Variants in PLCD3 observed in about 807,000 individuals in gnomAD.
The protein encoded by PLCD3 is 1-phosphatidylinositol 4,5-bisphosphate phosphodiesterase delta-3.
Under a neutral mutation model 82.8 loss-of-function variants are expected in PLCD3, and 62 were observed. The ratio of observed to expected loss-of-function variants is 0.75; its 90% CI spans 0.61 to 0.93. The LOEUF (loss-of-function observed/expected upper bound fraction) is 0.93, where lower values mean the gene tolerates loss of function less well. Ranked by LOEUF, PLCD3 falls within the 40% of genes least tolerant of loss-of-function variation. The probability of loss-of-function intolerance (pLI) is 0.00; values close to 1 mark genes in which losing one functional copy is unlikely to be tolerated. For missense variants in PLCD3, 1,023 were observed against 1,103.4 expected (o/e 0.93, Z 1.03); for synonymous variants, 478 against 471.8 (o/e 1.01, Z -0.17).
chr17:45,112,799 A>G, intron 14 of PLCD3, 64 bp downstream of exon 14: 1 of 1,600,836 alleles, frequency 6.2e-7, no homozygotes. Context: ...CGAGGCACAA[A>G]GGTGAACAGG....
Position 45,113,223 on chromosome 17 carries a change from G to A in PLCD3, c.2030C>T (p.Ala677Val). The change falls in exon 13 of 15, where the codon GCC (alanine) becomes GTC (valine). Residue 677 changes from alanine to valine, a missense_variant. By Grantham distance (64) the Ala-to-Val change is moderately conservative. This residue lies in a region of PLCD3 where 553 missense variants were observed against 655.7 expected (regional missense o/e 0.84). Transcript: ENST00000619929. ...GTCCACAATGGAGTGTGGCTTCTCG[G>A]CATTCAGCTTGGGCAGCTGCTGTGC... ...LTAQQLPKLNAEKPHSIVDPL... is the reference protein window; with the variant it reads ...LTAQQLPKLNVEKPHSIVDPL... 6.2e-7 allele frequency: 1 copy of A among 1,609,562 alleles called. No individual in the cohort carries two copies. The highest frequency in any genetic ancestry group is 8.5e-7 in the Non-Finnish European group (1 of 1,178,128).
rs1035518083 is a variant in PLCD3, at chr17:45,112,860, A to C, written c.2281+3T>G. 1.2e-6 allele frequency: 2 copies of C among 1,612,246 alleles called. No individual in the cohort carries two copies. The highest frequency in any genetic ancestry group is 3.3e-5 in the Admixed American group (2 of 59,746). ...CTCTCCATCCCCACCAGCCTCCACCAACCTTGCTTTAGGCTGCTAAGAGGC... is the reference window on the plus strand; with the variant it reads ...CTCTCCATCCCCACCAGCCTCCACCCACCTTGCTTTAGGCTGCTAAGAGGC... On this transcript the variant is annotated splice_donor_region_variant and intron_variant, in intron 14 of 14. Transcript: ENST00000619929.
rs369011780 is a variant in PLCD3 at position 45,119,041 on chromosome 17, C to G, written c.687G>C (p.Glu229Asp). ...NDMYAYLLFK[E>D]CDHSNNDRLE... is the part of the protein sequence containing the mutation. The stretch of plus-strand genomic sequence containing the variant: ...GACGGTCGTTGTTGGAGTGGTCACA[C>G]TCCTGGGGAGCAGCAGGAGAAGCTC... Residue 229 changes from glutamate to aspartate, a missense_variant and splice_region_variant, in exon 5 of 15, where the codon GAG (glutamate) becomes GAC (aspartate). By Grantham distance (45) the Glu-to-Asp change is conservative. Coordinates refer to ENST00000619929, the MANE Select transcript of PLCD3 (RefSeq NM_133373.5). The G allele has an allele frequency of 1.1e-5, 18 of 1,601,672 alleles. No homozygotes were observed. Among genetic ancestry groups the G allele is most frequent in the Non-Finnish European group, 1.4e-5 (16 of 1,173,212 alleles).
At chr17:45,116,874 A>G in intron 7 of PLCD3, 90 bp from the exon 8 acceptor site, 1 of 1,426,632 alleles carries the variant, frequency 7.0e-7, no homozygotes, top group South Asian at 1.5e-5. Context: ...CAGGACAGGC[A>G]GGCAAAGGCA....
Position 45,120,993 on chromosome 17 carries a change from G to T in PLCD3, c.463C>A (p.Pro155Thr). 1 of 1,533,724 alleles carries T rather than the reference G, an allele frequency of 6.5e-7. No individual in the cohort carries two copies. Among genetic ancestry groups the T allele is most frequent in the African/African-American group, 1.4e-5 (1 of 72,088 alleles). Reference sequence around the variant, plus strand: ...CAGCGCTGCGCTTCCTCAGCCGTGGGCGCCGCCAGGTCCAGGTTCTTGCGG... The same window carrying T: ...CAGCGCTGCGCTTCCTCAGCCGTGGTCGCCGCCAGGTCCAGGTTCTTGCGG... ...GRRKNLDLAA[P>T]TAEEAQRWVR... The change falls in exon 3 of 15, where the codon CCC becomes ACC. Residue 155 changes from proline (P) to threonine (T), a missense_variant. This residue lies in a region of PLCD3 where 448 missense variants were observed against 406.3 expected (regional missense o/e 1.10). Transcript: ENST00000619929.
chr17:45,117,929 T>A (rs1201777027), intron 7 of PLCD3, 65 bp downstream of exon 7: 3 of 1,582,972 alleles, frequency 1.9e-6, no homozygotes, highest in Non-Finnish European at 2.6e-6. Flanking sequence ...GCAGCTGGCA[T>A]GTGAGTGCGG....
Position 45,113,003 on chromosome 17 carries a change from G to A in PLCD3, c.2141C>T (p.Pro714Leu). The A allele has an allele frequency of 6.2e-7, 1 of 1,606,010 alleles. No homozygotes were observed. Among genetic ancestry groups the A allele is most frequent in the East Asian group, 2.2e-5 (1 of 44,804 alleles). Residue 714 changes from proline to leucine, a missense_variant, in exon 14 of 15, where the codon CCC becomes CTC. Physicochemically the swap from Pro to Leu is moderately conservative, Grantham distance 98. Around this residue, in one of 3 missense-constraint regions of PLCD3, gnomAD observed 553 missense variants for 655.7 expected, o/e 0.84. Coordinates refer to ENST00000619929, the MANE Select transcript of PLCD3 (RefSeq NM_133373.5). ...TDYVLNNGFN[P>L]RWGQTLQFQL... ...GAACTGCAGGGTCTGCCCCCAGCGG[G>A]GGTTGAAGCCTAGGGCACAGGGATG... is the stretch of plus-strand genomic sequence containing the variant.
chr17:45,119,195 G>T, intron 4 of PLCD3, 152 bp from the exon 5 acceptor site: 1 of 637,956 alleles, frequency 1.6e-6, no homozygotes, highest in Non-Finnish European at 2.7e-6. Flanking sequence ...AGCTCACACA[G>T]CTGGTAAATT....
intron 10 of PLCD3, 41 bp downstream of exon 10, chr17:45,115,053 T>C: frequency 1.3e-6 from 2 of 1,563,008 alleles, no homozygotes; most frequent in Non-Finnish European, 1.7e-6. Flanking sequence ...AGGAGGTCTC[T>C]CACCCTCTCG....
intron 8 of PLCD3, among the ~76,000 whole-genome samples, chr17:45,116,156 A>G (rs911659620): frequency 3.9e-5 from 6 of 152,202 alleles, no homozygotes; most frequent in Non-Finnish European, 8.8e-5. Flanking sequence ...AGAGCCGAGG[A>G]CGCGCTCTGG....
rs979232414 is a variant in PLCD3 at position 45,109,024 on chromosome 17, T to C, written c.*3592A>G. 2 of 152,654 alleles carry C rather than the reference T, an allele frequency of 1.3e-5. No homozygotes were observed. Among genetic ancestry groups the C allele is most frequent in the African/African-American group, 4.8e-5 (2 of 41,446 alleles). The allele number at this position is 152,654 out of a possible 1,614,324, so 9.5% of individuals were successfully genotyped here. On this transcript the variant is annotated 3_prime_UTR_variant, in exon 15 of 15. Coordinates refer to ENST00000619929, the MANE Select transcript of PLCD3 (RefSeq NM_133373.5). ...GAAAGCAGCTGAACAAAACCTTCTGTCCTGGTATTCCTGGTCAGCAGGTGG... is the reference window on the plus strand; with the variant it reads ...GAAAGCAGCTGAACAAAACCTTCTGCCCTGGTATTCCTGGTCAGCAGGTGG...
At position 45,113,622 on chromosome 17, in the gene PLCD3, G is replaced by A. The variant is rs1236420832; in HGVS notation, c.1829-17C>T. The A allele has an allele frequency of 1.3e-6, 2 of 1,553,014 alleles. No homozygotes were observed. Reference sequence around the variant, plus strand: ...TCAAGGCCACTGTGGACACAGCAGGGTCAGAGCAGGGGCTCTTAGCGGCCC... The same window carrying A: ...TCAAGGCCACTGTGGACACAGCAGGATCAGAGCAGGGGCTCTTAGCGGCCC... On this transcript the variant is annotated splice_polypyrimidine_tract_variant and intron_variant, in intron 11 of 14. Coordinates refer to ENST00000619929, the MANE Select transcript of PLCD3 (RefSeq NM_133373.5).
chr17:45,117,274 G>A (rs890261202), intron 7 of PLCD3, among the ~76,000 whole-genome samples: 1 of 151,870 alleles, frequency 6.6e-6, no homozygotes, highest in Non-Finnish European at 1.5e-5. Flanking sequence ...CTATGCTTTG[G>A]TCTCTCTCCA....
rs1183978434 is a variant in PLCD3, at chr17:45,110,447, G to GAAAGAA, written c.*2168_*2169insTTCTTT. The GAAAGAA allele has an allele frequency of 0.15, 21,960 of 146,910 alleles. 1,664 individuals are homozygous for GAAAGAA. Among genetic ancestry groups the GAAAGAA allele is most frequent in the Middle Eastern group, 0.21 (58 of 280 alleles). The allele number at this position is 146,910 out of a possible 1,614,324, so 9.1% of individuals were successfully genotyped here. A position where few individuals can be genotyped will look rare whatever the true frequency, so the allele number is the denominator to read the frequency against. On this transcript the variant is annotated 3_prime_UTR_variant, in exon 15 of 15. Coordinates refer to ENST00000619929, the MANE Select transcript of PLCD3 (RefSeq NM_133373.5). Reference sequence around the variant, plus strand: ...GGACGAGCAAGACTTTGTCTCAAAAGAAAAAAAAAAAAGACTCTTGCCCTT... The same window carrying GAAAGAA: ...GGACGAGCAAGACTTTGTCTCAAAAGAAAGAAAAAAAAAAAAAAGACTCTTGCCCTT...
Position 45,121,962 on chromosome 17 carries a change from A to C in PLCD3, c.164-590T>G, listed in dbSNP as rs115787134. 8.3e-3 allele frequency among the ~76,000 whole-genome samples: 1,258 copies of C among 151,542 alleles called. 13 individuals carry two copies. The highest frequency in any genetic ancestry group is 0.028 in the African/African-American group (1,173 of 41,270). On this transcript the variant is annotated intron_variant, in intron 1 of 14. Transcript: ENST00000619929. Reference sequence around the variant, plus strand: ...ACAGAGTGAGACTGCGTCTTAACAAAAAAAAAAAAAAATTGCCTTTTCTGC... The same window carrying C: ...ACAGAGTGAGACTGCGTCTTAACAACAAAAAAAAAAAATTGCCTTTTCTGC...
rs55740745 is a variant in PLCD3, at chr17:45,123,967, A to G, written c.164-2595T>C. Among the ~76,000 whole-genome samples, 11 of 138,480 alleles carry G rather than the reference A, an allele frequency of 7.9e-5. 1 individual carries two copies. The South Asian group carries it at 1.9e-3, about 23-fold the overall frequency. 90.8% of individuals were successfully genotyped at this position (138,480 alleles called of 152,430 possible). A position where few individuals can be genotyped will look rare whatever the true frequency, so the allele number is the denominator to read the frequency against. ...GAGGGGCTCACCAGACCCCCCCCCCAACCAGGTCCAGGTAGCCTCTAAATG... is the reference window on the plus strand; with the variant it reads ...GAGGGGCTCACCAGACCCCCCCCCCGACCAGGTCCAGGTAGCCTCTAAATG... On this transcript the variant is annotated intron_variant, in intron 1 of 14. Coordinates refer to ENST00000619929, the MANE Select transcript of PLCD3 (RefSeq NM_133373.5).
chr17:45,115,267 G>T, intron 9 of PLCD3, 23 bp from the exon 10 acceptor site: 1 of 1,540,198 alleles, frequency 6.5e-7, no homozygotes. Flanking sequence ...GCTCAGCGGG[G>T]TTCAGCTGGC....
chr17:45,131,343 C>T (rs1004161274), intron 1 of PLCD3, among the ~76,000 whole-genome samples: 9 of 152,214 alleles, frequency 5.9e-5, no homozygotes, highest in African/African-American at 2.2e-4. Flanking sequence ...GCAGGTCCAA[C>T]GCAGCACTTC....
At chr17:45,113,942 G>A (rs58184330) in intron 11 of PLCD3, among the ~76,000 whole-genome samples, 4,667 of 152,248 alleles carry the variant, frequency 0.031, 237 homozygotes, top group African/African-American at 0.11. Context: ...GTGGGGCTCA[G>A]CGTCCCCCAG....
Sources: gnomAD v4.1 joint callset for allele counts (sites outside exome capture counted in the v4.1 genomes callset) on GRCh38, gnomAD v4.1.1 for gene constraint, gnomAD v4.1.1 regional missense constraint, MANE v1.5 for transcripts, NCBI Gene and HGNC (gene_info 2026-07-23, HGNC 2026-07-21) for gene names.